ACER3: variants seen among roughly 807,000 people sequenced by gnomAD.
ACER3 encodes the protein alkaline ceramidase 3.
In ACER3, 16 loss-of-function variants were observed where a neutral mutation model predicts 48.9. The ratio of observed to expected loss-of-function variants is 0.33; its 90% CI spans 0.22 to 0.50. The LOEUF is 0.50. ACER3 is among the 20% of genes least tolerant of loss of function. The probability of loss-of-function intolerance (pLI) is 0.98; values close to 1 mark genes in which losing one functional copy is unlikely to be tolerated. For synonymous variants in ACER3, 109 were observed against 107.8 expected (o/e 1.01, Z -0.07); for missense variants, 227 against 326.0 (o/e 0.70, Z 2.34).
intron 5 of ACER3, among the ~76,000 whole-genome samples, chr11:76,985,989 A>G (rs1018971416): frequency 2.0e-5 from 3 of 152,226 alleles, no homozygotes; most frequent in African/African-American, 7.2e-5. Flanking sequence ...ATTGGGAAAA[A>G]TTAATTTTTC....
At chr11:76,976,438 AT>A (rs1452710851) in intron 4 of ACER3, 97 bp downstream of exon 4, 18 of 657,186 alleles carry the variant, frequency 2.7e-5, no homozygotes, top group Admixed American at 1.0e-4. Context: ...TTACTAGGAT[AT>A]TTTAATAATG....
intron 1 of ACER3, among the ~76,000 whole-genome samples, chr11:76,865,990 TG>T (rs1308564636): frequency 1.4e-5 from 2 of 147,838 alleles, no homozygotes; most frequent in Non-Finnish European, 3.0e-5. Context: ...TTTTGTTTTT[TG>T]TTTTTTTTTT....
chr11:76,894,490 T>C (rs1945883013), intron 1 of ACER3, among the ~76,000 whole-genome samples: 1 of 152,222 alleles, frequency 6.6e-6, no homozygotes, highest in Non-Finnish European at 1.5e-5. Context: ...TTTTAATCCA[T>C]TTCTGCCTCT....
chr11:77,011,652 T>C (rs1555022171), intron 7 of ACER3, among the ~76,000 whole-genome samples: 1 of 152,156 alleles, frequency 6.6e-6, no homozygotes, highest in Non-Finnish European at 1.5e-5. Flanking sequence ...TGTGCTTTCC[T>C]GATCATTTTT....
In ACER3 at chr11:77,022,391, G is replaced by A. The variant is rs917420585; in HGVS notation, c.*2064G>A. Reference sequence around the variant, plus strand: ...AGTGGAGAGTCATCTACACCCCAAGGTGAGCTGTAAGACTGGCCAATTCTT... The same window carrying A: ...AGTGGAGAGTCATCTACACCCCAAGATGAGCTGTAAGACTGGCCAATTCTT... On this transcript the variant is annotated 3_prime_UTR_variant, in exon 11 of 11. Coordinates refer to ENST00000532485, the MANE Select transcript of ACER3 (RefSeq NM_018367.7). 1 of 152,192 alleles carries A rather than the reference G, an allele frequency of 6.6e-6. No individual in the cohort carries two copies. The allele number at this position is 152,192 out of a possible 1,614,324, so 9.4% of individuals were successfully genotyped here.
At chr11:76,962,634 G>A (rs745447183) in intron 3 of ACER3, among the ~76,000 whole-genome samples, 30 of 151,546 alleles carry the variant, frequency 2.0e-4, no homozygotes, top group Non-Finnish European at 3.5e-4. Flanking sequence ...CCTAGCCAAT[G>A]TCTAGGCTCT....
At chr11:76,879,865 A>AT (rs3047837) in intron 1 of ACER3, among the ~76,000 whole-genome samples, 8,646 of 151,856 alleles carry the variant, frequency 0.057, 848 homozygotes, top group African/African-American at 0.2. Flanking sequence ...TTCATAAGAG[A>AT]TTTTTTTTGA....
At chr11:76,879,111 C>T (rs1019322056) in intron 1 of ACER3, among the ~76,000 whole-genome samples, 1 of 152,064 alleles carries the variant, frequency 6.6e-6, no homozygotes, top group African/African-American at 2.4e-5. Context: ...CCCTGTCTCC[C>T]TACTTCATTT....
chr11:76,939,905 T>C (rs1342903610), intron 2 of ACER3, among the ~76,000 whole-genome samples: 1 of 152,140 alleles, frequency 6.6e-6, no homozygotes, highest in Non-Finnish European at 1.5e-5. Context: ...GGGAAGAAGC[T>C]CTACAGGGAC....
intron 10 of ACER3, 57 bp from the exon 11 acceptor site, chr11:77,020,217 G>A: frequency 6.4e-7 from 1 of 1,563,822 alleles, no homozygotes; most frequent in Non-Finnish European, 8.8e-7. Context: ...TCTTTTTCAG[G>A]GATAACATGG....
intron 3 of ACER3, among the ~76,000 whole-genome samples, chr11:76,961,285 C>T (rs1157132972): frequency 1.3e-5 from 2 of 152,064 alleles, no homozygotes; most frequent in Non-Finnish European, 2.9e-5. Context: ...ACAGTGCAGA[C>T]TCCTATGTTC....
chr11:76,998,708 C>A, intron 6 of ACER3, 55 bp from the exon 7 acceptor site: 2 of 1,351,540 alleles, frequency 1.5e-6, no homozygotes, highest in Non-Finnish European at 2.0e-6. Context: ...GCAAAATAGA[C>A]TTCCTTTGCC....
intron 7 of ACER3, among the ~76,000 whole-genome samples, chr11:77,005,983 ATATATATAT>A (rs1441010073): frequency 8.0e-5 from 6 of 74,796 alleles, no homozygotes; most frequent in Non-Finnish European, 1.3e-4. Context: ...ATATATATAT[ATATATATAT>A]TTTTTTTTTT....
chr11:76,975,874 C>CTTTTTTTTTTTTTTTTTTTT (rs34786738), intron 3 of ACER3, among the ~76,000 whole-genome samples: 1 of 82,772 alleles, frequency 1.2e-5, no homozygotes, highest in Non-Finnish European at 2.4e-5. Context: ...TTTTTCTTTT[C>CTTTTTTTTTTTTTTTTTTTT]TTTTTTTTTT....
chr11:76,942,107 C>T (rs1208810378), intron 2 of ACER3, among the ~76,000 whole-genome samples: 3 of 151,996 alleles, frequency 2.0e-5, no homozygotes, highest in Admixed American at 6.6e-5. Context: ...ATTATATAGT[C>T]AGCAAACAGG....
intron 3 of ACER3, among the ~76,000 whole-genome samples, chr11:76,961,922 G>A (rs1169961377): frequency 6.6e-6 from 1 of 150,548 alleles, no homozygotes; most frequent in African/African-American, 2.5e-5. Flanking sequence ...CCTTTACAGT[G>A]GAGAAGCCAA....
At chr11:76,903,645 G>C (rs1165777570) in intron 1 of ACER3, among the ~76,000 whole-genome samples, 2 of 152,076 alleles carry the variant, frequency 1.3e-5, no homozygotes, top group African/African-American at 4.8e-5. Flanking sequence ...CTGACAACCA[G>C]ATTCTTTTTG....
At chr11:76,941,075 A>G (rs1947332944) in intron 2 of ACER3, among the ~76,000 whole-genome samples, 1 of 151,818 alleles carries the variant, frequency 6.6e-6, no homozygotes, top group South Asian at 2.1e-4. Flanking sequence ...CAGGGAAGAG[A>G]AGGGGAGAAG....
rs574805676 is a variant in ACER3, at chr11:76,865,229, C to T, written c.103+4150C>T. On this transcript the variant is annotated intron_variant, in intron 1 of 10. Transcript: ENST00000532485. ...CAAACTCCTGAGCTCAAGCAGTCCT[C>T]CCACCTCAGCCTCCCAAAGTGTTGA... Among the ~76,000 whole-genome samples the T allele has an allele frequency of 1.3e-4, 19 of 150,946 alleles. No individual in the cohort carries two copies. In the South Asian group the frequency reaches 4.0e-3, roughly 32 times the overall value.
Sources: allele counts gnomAD v4.1 joint callset (sites outside exome capture counted in the v4.1 genomes callset), GRCh38; gene constraint gnomAD v4.1.1; transcripts MANE v1.5; gene names NCBI Gene and HGNC (gene_info 2026-07-23, HGNC 2026-07-21).